The following SLIT1 variants were observed in gnomAD, a reference collection of about 807,000 sequenced individuals.
The protein encoded by SLIT1 is slit guidance ligand 1.
In SLIT1, 66 loss-of-function variants were observed where a neutral mutation model predicts 186.1. That is an observed-to-expected ratio of 0.35 (90% CI 0.29 to 0.44). The LOEUF is 0.44. SLIT1 is among the 20% of genes least tolerant of loss of function. The pLI, the probability that SLIT1 is intolerant of heterozygous loss-of-function variation, is 1.00. For synonymous variants in SLIT1, 761 were observed against 833.8 expected (o/e 0.91, Z 1.50); for missense variants, 1,638 against 2,037.4 (o/e 0.80, Z 3.77).
intron 22 of SLIT1, among the ~76,000 whole-genome samples, chr10:97,036,613 GT>G (rs1192973410): frequency 6.6e-6 from 1 of 152,200 alleles, no homozygotes; most frequent in African/African-American, 2.4e-5. Context: ...TTAGATTCTG[GT>G]GTAAGCGCCA....
At chr10:97,060,565 C>T in intron 9 of SLIT1, 75 bp downstream of exon 9, 3 of 1,582,250 alleles carry the variant, frequency 1.9e-6, no homozygotes, top group Non-Finnish European at 2.6e-6. Context: ...GCGCCTACTC[C>T]AGCTCTTCAC....
At chr10:97,178,875 CATTT>C (rs1293615133) in intron 1 of SLIT1, among the ~76,000 whole-genome samples, 4 of 151,956 alleles carry the variant, frequency 2.6e-5, no homozygotes, top group African/African-American at 4.8e-5. Context: ...TATTAAAAAT[CATTT>C]ATTTGTTTTT....
At chr10:97,020,119 C>T (rs1329851441) in intron 26 of SLIT1, among the ~76,000 whole-genome samples, 9 of 152,034 alleles carry the variant, frequency 5.9e-5, no homozygotes, top group East Asian at 5.8e-4. Flanking sequence ...TACAGGCACA[C>T]ACCACCATGC....
At chr10:97,083,418 T>C (rs1849124958) in intron 4 of SLIT1, among the ~76,000 whole-genome samples, 2 of 152,124 alleles carry the variant, frequency 1.3e-5, no homozygotes, top group African/African-American at 2.4e-5. Flanking sequence ...TCTGGAAGTG[T>C]ATGTATGTCG....
At chr10:97,119,315 GTTTA>G (rs1386550368) in intron 4 of SLIT1, among the ~76,000 whole-genome samples, 12 of 152,156 alleles carry the variant, frequency 7.9e-5, no homozygotes, top group Non-Finnish European at 2.9e-5. Flanking sequence ...TGGGAAGTGG[GTTTA>G]TTTCTCTTTT....
At position 97,001,740 on chromosome 10, in the gene SLIT1, G is replaced by C. The variant is rs561410079; in HGVS notation, c.4367-390C>G. ...TTCTGGGTTTCTCCAGCTTCTCCCTGCCCAGCCTTAGCAGTCCGGATTCCA... is the reference window on the plus strand; with the variant it reads ...TTCTGGGTTTCTCCAGCTTCTCCCTCCCCAGCCTTAGCAGTCCGGATTCCA... On this transcript the variant is annotated intron_variant, in intron 36 of 36. Transcript: ENST00000266058. Among the ~76,000 whole-genome samples the C allele has an allele frequency of 5.3e-5, 8 of 152,234 alleles. No individual in the cohort carries two copies. In the South Asian group the frequency reaches 1.7e-3, roughly 32 times the overall value.
intron 16 of SLIT1, among the ~76,000 whole-genome samples, chr10:97,047,285 C>A (rs994912331): frequency 6.6e-6 from 1 of 152,142 alleles, no homozygotes; most frequent in East Asian, 1.9e-4. Flanking sequence ...AATTTACAGA[C>A]GTAAATGACA....
intron 21 of SLIT1, 85 bp from the exon 22 acceptor site, chr10:97,037,851 G>T: frequency 1.8e-6 from 2 of 1,120,384 alleles, no homozygotes; most frequent in Non-Finnish European, 1.3e-6. Context: ...TGCAGCCAGG[G>T]ACTTCGCTCT....
chr10:97,111,886 C>T (rs902526716), intron 4 of SLIT1, among the ~76,000 whole-genome samples: 1 of 152,160 alleles, frequency 6.6e-6, no homozygotes, highest in Admixed American at 6.5e-5. Context: ...CCACAGGATG[C>T]TGTTTGTGAG....
At chr10:97,038,279 T>C (rs1848659556) in intron 21 of SLIT1, among the ~76,000 whole-genome samples, 1 of 152,012 alleles carries the variant, frequency 6.6e-6, no homozygotes. Flanking sequence ...ATGTCGCTTC[T>C]CCTCCTCCCT....
At chr10:97,166,517 C>CAA (rs57740497) in intron 1 of SLIT1, among the ~76,000 whole-genome samples, 3 of 94,730 alleles carry the variant, frequency 3.2e-5, no homozygotes, top group African/African-American at 4.3e-5. Flanking sequence ...ACTCTGTCTC[C>CAA]AAAAAAAAAG....
intron 17 of SLIT1, 89 bp downstream of exon 17, chr10:97,046,902 G>C: frequency 6.4e-7 from 1 of 1,561,902 alleles, no homozygotes; most frequent in Non-Finnish European, 8.8e-7. Flanking sequence ...CTGGCCCCCC[G>C]CCGTGGGAGC....
chr10:97,140,409 C>G (rs1012833936), intron 4 of SLIT1, among the ~76,000 whole-genome samples: 1 of 152,164 alleles, frequency 6.6e-6, no homozygotes, highest in Non-Finnish European at 1.5e-5. Flanking sequence ...CCCCTCCCAC[C>G]GCCCTCCTTG....
intron 4 of SLIT1, among the ~76,000 whole-genome samples, chr10:97,101,759 C>T (rs1468807636): frequency 6.6e-6 from 1 of 152,240 alleles, no homozygotes; most frequent in Non-Finnish European, 1.5e-5. Flanking sequence ...AGCACCAGCC[C>T]TGCTCTGGGG....
chr10:97,061,943 G>T (rs1178658235), intron 8 of SLIT1, among the ~76,000 whole-genome samples: 1 of 152,210 alleles, frequency 6.6e-6, no homozygotes, highest in Non-Finnish European at 1.5e-5. Context: ...ATGAGACAAA[G>T]CTACATGGAT....
At chr10:97,128,068 C>T (rs981309885) in intron 4 of SLIT1, among the ~76,000 whole-genome samples, 4 of 152,130 alleles carry the variant, frequency 2.6e-5, no homozygotes, top group Admixed American at 2.0e-4. Flanking sequence ...CACCACCGAG[C>T]CCCCTGCTCT....
chr10:97,112,502 C>T (rs986683583), intron 4 of SLIT1, among the ~76,000 whole-genome samples: 8 of 152,214 alleles, frequency 5.3e-5, no homozygotes, highest in African/African-American at 1.4e-4. Flanking sequence ...AATCCACACT[C>T]ATGGGCAGGA....
intron 4 of SLIT1, among the ~76,000 whole-genome samples, chr10:97,081,847 T>G (rs570965837): frequency 2.6e-5 from 4 of 152,256 alleles, no homozygotes; most frequent in South Asian, 2.1e-4. Context: ...CCTGAATCCA[T>G]CCGGCGGCTC....
chr10:97,083,355 C>G (rs1849124375), intron 4 of SLIT1, among the ~76,000 whole-genome samples: 1 of 152,244 alleles, frequency 6.6e-6, no homozygotes, highest in Non-Finnish European at 1.5e-5. Flanking sequence ...TTATGCTACA[C>G]AGGCACAGCA....
Sources: gnomAD v4.1 joint callset for allele counts (sites outside exome capture counted in the v4.1 genomes callset) on GRCh38, gnomAD v4.1.1 for gene constraint, MANE v1.5 for transcripts, NCBI Gene and HGNC (gene_info 2026-07-23, HGNC 2026-07-21) for gene names.